The following KHDRBS2 variants were observed in gnomAD, a reference collection of about 807,000 sequenced individuals.
KHDRBS2 encodes the protein KH domain-containing, RNA-binding, signal transduction-associated protein 2.
Under a neutral mutation model 44.3 loss-of-function variants are expected in KHDRBS2, and 26 were observed. That is an observed-to-expected ratio of 0.59 (90% CI 0.43 to 0.81). KHDRBS2 has a LOEUF of 0.81. KHDRBS2 is among the 40% of genes least tolerant of loss of function. The pLI is 0.00. For synonymous variants in KHDRBS2, 194 were observed against 151.1 expected (o/e 1.28, Z -2.08); for missense variants, 476 against 433.1 (o/e 1.10, Z -0.88).
At chr6:61,963,326 G>C (rs748407137) in intron 4 of KHDRBS2, among the ~76,000 whole-genome samples, 52 of 152,036 alleles carry the variant, frequency 3.4e-4, no homozygotes, top group Non-Finnish European at 6.6e-4. Context: ...TTCAGAATGA[G>C]GGAAATGCTA....
At chr6:61,908,542 G>A (rs1366672355) in intron 4 of KHDRBS2, among the ~76,000 whole-genome samples, 2 of 151,496 alleles carry the variant, frequency 1.3e-5, no homozygotes, top group Non-Finnish European at 2.9e-5. Context: ...GCTGAGGCAG[G>A]AGAATGGCAT....
chr6:62,216,009 CATAAT>C (rs981040701), intron 1 of KHDRBS2, among the ~76,000 whole-genome samples: 8 of 151,572 alleles, frequency 5.3e-5, no homozygotes, highest in South Asian at 2.1e-4. Flanking sequence ...AAATATTTCT[CATAAT>C]ATATAGCTTT....
At chr6:61,544,320 C>A in the KHDRBS2 span, among the ~76,000 whole-genome samples, 8 of 152,040 alleles carry the variant, frequency 5.3e-5, no homozygotes, top group Non-Finnish European at 1.2e-4. Flanking sequence ...TAACTAGTAG[C>A]TTCAGCAGAT....
the KHDRBS2 span, chr6:61,659,151 C>A: frequency 4.0e-5 from 6 of 151,510 alleles, no homozygotes; most frequent in East Asian, 1.2e-3. Context: ...CTTTTTTGGC[C>A]TATGGTAAGG....
At chr6:61,657,972 C>T in the KHDRBS2 span, among the ~76,000 whole-genome samples, 1 of 151,990 alleles carries the variant, frequency 6.6e-6, no homozygotes, top group South Asian at 2.1e-4. Flanking sequence ...AAATGGACAC[C>T]AGTGAAATTT....
At chr6:62,126,442 G>C (rs1459034511) in intron 2 of KHDRBS2, among the ~76,000 whole-genome samples, 1 of 152,174 alleles carries the variant, frequency 6.6e-6, no homozygotes, top group Admixed American at 6.5e-5. Flanking sequence ...GAATGGATGG[G>C]TTCACCACCT....
Position 62,061,460 on chromosome 6 carries a change from T to G in KHDRBS2, c.220-13466A>C, listed in dbSNP as rs577162204. ...CTTAGTTTGGCTGGATATGAAATTC[T>G]GGGTTCAAAATTCTTTTCTTTAAGA... On this transcript the variant is annotated intron_variant, in intron 2 of 8. Transcript: ENST00000281156. 9.2e-4 allele frequency among the ~76,000 whole-genome samples: 140 copies of G among 151,364 alleles called. 1 individual carries two copies. The highest frequency in any genetic ancestry group is 1.6e-3 in the Non-Finnish European group (107 of 67,748).
At chr6:61,774,034 T>A (rs1361051115) in intron 6 of KHDRBS2, among the ~76,000 whole-genome samples, 1 of 152,216 alleles carries the variant, frequency 6.6e-6, no homozygotes. Flanking sequence ...CTATGCTGTT[T>A]TGGTTACTGT....
chr6:61,566,617 A>C, the KHDRBS2 span, among the ~76,000 whole-genome samples: 1 of 152,210 alleles, frequency 6.6e-6, no homozygotes, highest in Non-Finnish European at 1.5e-5. Context: ...CTTAAAGGTT[A>C]GAAGCAAGAT....
At chr6:61,959,085 C>T (rs1325493882) in intron 4 of KHDRBS2, among the ~76,000 whole-genome samples, 1 of 152,172 alleles carries the variant, frequency 6.6e-6, no homozygotes. Context: ...CTATTGTCCA[C>T]AATGTTTAAA....
intron 6 of KHDRBS2, among the ~76,000 whole-genome samples, chr6:61,863,071 A>T (rs555076782): frequency 1.3e-5 from 2 of 152,102 alleles, no homozygotes; most frequent in South Asian, 4.1e-4. Flanking sequence ...ATTTATATGT[A>T]TAGAGGTGTT....
intron 4 of KHDRBS2, 58 bp from the exon 5 acceptor site, chr6:61,901,429 G>T: frequency 3.0e-6 from 3 of 987,846 alleles, no homozygotes; most frequent in Non-Finnish European, 4.1e-6. Context: ...CTCAGAGTTG[G>T]AAAAAAAAAA....
intron 4 of KHDRBS2, among the ~76,000 whole-genome samples, chr6:61,968,726 ACAGCATCTGGG>A (rs1204501084): frequency 1.3e-5 from 2 of 152,012 alleles, no homozygotes; most frequent in Non-Finnish European, 2.9e-5. Flanking sequence ...GAGAAAACTT[ACAGCATCTGGG>A]CCTGCATATT....
At chr6:61,601,284 C>T in the KHDRBS2 span, among the ~76,000 whole-genome samples, 3 of 152,026 alleles carry the variant, frequency 2.0e-5, no homozygotes, top group African/African-American at 7.3e-5. Flanking sequence ...CATGTCTCTA[C>T]CCTCTCTTTT....
At chr6:61,880,650 C>A (rs1800076505) in intron 6 of KHDRBS2, among the ~76,000 whole-genome samples, 1 of 151,958 alleles carries the variant, frequency 6.6e-6, no homozygotes, top group East Asian at 1.9e-4. Flanking sequence ...GGGATCAGTT[C>A]CTGCTTAATG....
intron 8 of KHDRBS2, among the ~76,000 whole-genome samples, chr6:61,686,477 ATATGT>A (rs1484824721): frequency 6.6e-6 from 1 of 151,774 alleles, no homozygotes; most frequent in Non-Finnish European, 1.5e-5. Flanking sequence ...ATCCCAAAGA[ATATGT>A]TAGGTTAGAT....
chr6:61,569,505 C>A, the KHDRBS2 span, among the ~76,000 whole-genome samples: 1 of 152,308 alleles, frequency 6.6e-6, no homozygotes, highest in South Asian at 2.1e-4. Context: ...CAACTCATGA[C>A]AGACTAACCC....
At chr6:62,266,551 CT>C (rs543454642) in intron 1 of KHDRBS2, among the ~76,000 whole-genome samples, 121 of 152,026 alleles carry the variant, frequency 8.0e-4, no homozygotes, top group African/African-American at 2.7e-3. Flanking sequence ...ATGTGGGCTC[CT>C]TTTTTTGCAG....
intron 4 of KHDRBS2, among the ~76,000 whole-genome samples, chr6:61,975,030 C>T (rs561082026): frequency 1.2e-4 from 18 of 152,050 alleles, no homozygotes; most frequent in South Asian, 8.3e-4. Context: ...AAATTTTCCC[C>T]AAGGCAATAA....
Sources: gnomAD v4.1 joint callset for allele counts (sites outside exome capture counted in the v4.1 genomes callset) on GRCh38, gnomAD v4.1.1 for gene constraint, MANE v1.5 for transcripts, NCBI Gene and HGNC (gene_info 2026-07-23, HGNC 2026-07-21) for gene names.